Variants in QKI observed in about 807,000 individuals in gnomAD.
The protein encoded by QKI is KH domain-containing RNA-binding protein QKI.
A neutral mutation model predicts 39.0 loss-of-function variants in QKI; 10 were observed. The observed-to-expected ratio is 0.26, with a 90% CI of 0.16 to 0.43. QKI has a LOEUF of 0.43. QKI is among the 20% of genes least tolerant of loss of function. The probability of loss-of-function intolerance (pLI) is 1.00; values close to 1 mark genes in which losing one functional copy is unlikely to be tolerated. For missense variants in QKI, 218 were observed against 428.0 expected, an observed-to-expected ratio of 0.51 and a Z score of 4.33; for synonymous variants, 204 against 155.4, an observed-to-expected ratio of 1.31 and a Z score of -2.33.
At chr6:163,524,336 AAATT>A (rs888318921) in intron 3 of QKI, among the ~76,000 whole-genome samples, 1 of 108,874 alleles carries the variant, frequency 9.2e-6, no homozygotes, top group Non-Finnish European at 2.1e-5. Context: ...GTTAAAAAAT[AAATT>A]ATCTTAAGCT....
intron 4 of QKI, among the ~76,000 whole-genome samples, chr6:163,536,444 C>T (rs1583181465): frequency 6.6e-6 from 1 of 152,156 alleles, no homozygotes; most frequent in African/African-American, 2.4e-5. Flanking sequence ...TGTTGATCAA[C>T]TGTCAGGCTT....
chr6:163,570,550 G>T (rs1583239348), intron 7 of QKI, 144 bp from the exon 8 acceptor site: 8 of 1,377,534 alleles, frequency 5.8e-6, no homozygotes, highest in Non-Finnish European at 4.7e-6. Flanking sequence ...CAATCAGTTT[G>T]TCAGAATTAA....
chr6:163,545,520 T>A (rs1781811194), intron 4 of QKI, among the ~76,000 whole-genome samples: 1 of 152,224 alleles, frequency 6.6e-6, no homozygotes, highest in Admixed American at 6.6e-5. Flanking sequence ...TAATGTTGCC[T>A]GGCAGTGACT....
At chr6:163,523,189 T>G (rs1326645336) in intron 3 of QKI, among the ~76,000 whole-genome samples, 1 of 152,198 alleles carries the variant, frequency 6.6e-6, no homozygotes, top group Admixed American at 6.6e-5. Context: ...TGTTTTTCAT[T>G]TTAATTTCAC....
Position 163,563,451 on chromosome 6 carries a change from C to G in QKI, c.666C>G (p.Ala222=), listed in dbSNP as rs748603503. Residue 222 remains alanine, a synonymous_variant, in exon 6 of 8, where the codon GCC becomes GCG. Coordinates refer to ENST00000361752, the MANE Select transcript of QKI (RefSeq NM_006775.3). ...TTGCCTTTTCTCTTGCAGCAACAGC[C>G]CAGGCTGCTCCAAGGATCATTACTG... is the stretch of plus-strand genomic sequence containing the variant. The part of the protein sequence containing the change: ...PALAFSLAAT[A]QAAPRIITGP... 2.5e-6 allele frequency: 4 copies of G among 1,613,024 alleles called. No homozygotes were observed. The Admixed American group carries it at 6.7e-5, about 27-fold the overall frequency.
chr6:163,492,812 G>A (rs1048352497), intron 3 of QKI, among the ~76,000 whole-genome samples: 2 of 152,116 alleles, frequency 1.3e-5, no homozygotes, highest in Admixed American at 6.5e-5. Flanking sequence ...TTCAGGGTGT[G>A]TAATATTATC....
At chr6:163,476,899 C>T (rs543734290) in intron 2 of QKI, among the ~76,000 whole-genome samples, 1 of 152,128 alleles carries the variant, frequency 6.6e-6, no homozygotes, top group Non-Finnish European at 1.5e-5. Flanking sequence ...TTGTGCTATA[C>T]ACATACATAT....
At chr6:163,488,928 T>G (rs1777859893) in intron 3 of QKI, among the ~76,000 whole-genome samples, 1 of 151,840 alleles carries the variant, frequency 6.6e-6, no homozygotes, top group African/African-American at 2.4e-5. Context: ...CCCTTGCTGT[T>G]TGGGTAGATT....
At chr6:163,486,741 C>T (rs1226489606) in intron 3 of QKI, among the ~76,000 whole-genome samples, 2 of 152,174 alleles carry the variant, frequency 1.3e-5, no homozygotes, top group African/African-American at 4.8e-5. Context: ...GTTCTTCATG[C>T]AGTTATGCAT....
intron 4 of QKI, 56 bp from the exon 5 acceptor site, chr6:163,561,926 T>C: frequency 7.6e-7 from 1 of 1,320,016 alleles, no homozygotes; most frequent in Non-Finnish European, 1.1e-6. Context: ...TAGATATAGC[T>C]ATTATATTTG....
intron 4 of QKI, among the ~76,000 whole-genome samples, chr6:163,550,825 A>AG (rs938100458): frequency 2.0e-5 from 3 of 151,906 alleles, no homozygotes; most frequent in Non-Finnish European, 4.4e-5. Flanking sequence ...GGGCGCCTGT[A>AG]GTCCCAGCTA....
In QKI at chr6:163,572,024, G is replaced by A. The variant is rs975136075; in HGVS notation, c.*1314G>A. ...GTTTGAATTATAGGATTTTTGCCAC[G>A]TTACCTTGATGCAAATTTGCCAAAT... On this transcript the variant is annotated 3_prime_UTR_variant, in exon 8 of 8. Coordinates refer to ENST00000361752, the MANE Select transcript of QKI (RefSeq NM_006775.3). The A allele has an allele frequency of 2.0e-5, 3 of 152,134 alleles. No homozygotes were observed. Among genetic ancestry groups the A allele is most frequent in the African/African-American group, 4.8e-5 (2 of 41,442 alleles). 9.4% of individuals were successfully genotyped at this position (152,134 alleles called of 1,614,324 possible).
intron 1 of QKI, among the ~76,000 whole-genome samples, chr6:163,444,463 A>G (rs756253259): frequency 2.0e-5 from 3 of 152,188 alleles, no homozygotes; most frequent in Non-Finnish European, 4.4e-5. Context: ...TAGAAAGGTC[A>G]TTGTTTTGGA....
At chr6:163,428,011 A>G (rs773047059) in intron 1 of QKI, among the ~76,000 whole-genome samples, 1 of 152,230 alleles carries the variant, frequency 6.6e-6, no homozygotes, top group Non-Finnish European at 1.5e-5. Flanking sequence ...GTTCCAGCAG[A>G]TGGGGATGTT....
chr6:163,454,278 C>T (rs772003527), intron 1 of QKI, among the ~76,000 whole-genome samples: 55 of 151,902 alleles, frequency 3.6e-4, no homozygotes, highest in Non-Finnish European at 5.6e-4. Context: ...TTATGGGACT[C>T]GGCTCATTAA....
chr6:163,535,123 G>A lies in QKI; in HGVS notation c.544G>A (p.Ala182Thr). ...AGAAGTGAAGAAATTATTGGTACCTGCAGTAAGTAATAATTTCCAGACCTT... is the reference window on the plus strand; with the variant it reads ...AGAAGTGAAGAAATTATTGGTACCTACAGTAAGTAATAATTTCCAGACCTT... Reference protein sequence around the residue: ...VEEVKKLLVPAAEGEDSLKKM... With the variant: ...VEEVKKLLVPTAEGEDSLKKM... Residue 182 changes from alanine to threonine, a missense_variant and splice_region_variant, in exon 4 of 8, where the codon GCA becomes ACA. Transcript: ENST00000361752. 6.3e-7 allele frequency: 1 copy of A among 1,583,510 alleles called. No individual in the cohort carries two copies. The highest frequency in any genetic ancestry group is 1.2e-5 in the South Asian group (1 of 83,326).
At chr6:163,531,713 C>T (rs1021500603) in intron 3 of QKI, among the ~76,000 whole-genome samples, 7 of 152,178 alleles carry the variant, frequency 4.6e-5, no homozygotes, top group Admixed American at 6.5e-5. Context: ...GACTGTTCCC[C>T]AGGCTGGCCT....
intron 3 of QKI, among the ~76,000 whole-genome samples, chr6:163,505,507 C>A (rs1779039111): frequency 1.3e-5 from 2 of 152,326 alleles, no homozygotes; most frequent in South Asian, 4.1e-4. Context: ...TCCCTTGCAA[C>A]AACGTGTCCT....
intron 1 of QKI, among the ~76,000 whole-genome samples, chr6:163,421,810 T>C (rs1240699500): frequency 6.6e-6 from 1 of 151,940 alleles, no homozygotes; most frequent in Admixed American, 6.6e-5. Context: ...AGTGGCGTGC[T>C]CTCGGCTCAC....
Sources: gnomAD v4.1 joint callset for allele counts (sites outside exome capture counted in the v4.1 genomes callset) on GRCh38, gnomAD v4.1.1 for gene constraint, MANE v1.5 for transcripts, NCBI Gene and HGNC (gene_info 2026-07-23, HGNC 2026-07-21) for gene names.